ENOX1: variants seen among roughly 807,000 people sequenced by gnomAD.
The protein encoded by ENOX1 is ecto-NOX disulfide-thiol exchanger 1.
In ENOX1, 42 loss-of-function variants were observed where a neutral mutation model predicts 82.5. The ratio of observed to expected loss-of-function variants is 0.51; its 90% CI spans 0.40 to 0.66. The LOEUF (loss-of-function observed/expected upper bound fraction) is 0.66, where lower values mean the gene tolerates loss of function less well. Ranked by LOEUF, ENOX1 falls within the 30% of genes least tolerant of loss-of-function variation. The pLI is 0.00. For synonymous variants in ENOX1, 271 were observed against 282.2 expected (o/e 0.96, Z 0.40); for missense variants, 608 against 811.6 (o/e 0.75, Z 3.05).
intron 2 of ENOX1, among the ~76,000 whole-genome samples, chr13:43,572,188 C>T (rs1033838836): frequency 7.9e-5 from 12 of 152,106 alleles, no homozygotes; most frequent in African/African-American, 2.7e-4. Flanking sequence ...CCCAATTCAC[C>T]AGCCCTTCCA....
At chr13:43,376,090 C>G (rs1310890577) in intron 5 of ENOX1, among the ~76,000 whole-genome samples, 3 of 152,212 alleles carry the variant, frequency 2.0e-5, no homozygotes, top group Non-Finnish European at 2.9e-5. Flanking sequence ...GAAATATTAG[C>G]TTGGACATTC....
intron 3 of ENOX1, among the ~76,000 whole-genome samples, chr13:43,446,094 G>A (rs149570401): frequency 6.6e-6 from 1 of 151,878 alleles, no homozygotes; most frequent in African/African-American, 2.4e-5. Flanking sequence ...GGGAACAAAT[G>A]TAAATACTGA....
At chr13:43,315,900 T>C (rs2047451569) in intron 11 of ENOX1, among the ~76,000 whole-genome samples, 1 of 152,106 alleles carries the variant, frequency 6.6e-6, no homozygotes, top group South Asian at 2.1e-4. Flanking sequence ...TAATAAACTG[T>C]AATGTAGATA....
Position 43,298,376 on chromosome 13 carries a change from A to G in ENOX1, c.1416T>C (p.Phe472=). The change falls in exon 12 of 17, where the codon TTT becomes TTC. Residue 472 remains phenylalanine (F), a synonymous_variant. Coordinates refer to ENST00000690772, the MANE Select transcript of ENOX1 (RefSeq NM_001347969.2). The part of the protein sequence containing the change: ...ENLTKDQQLQ[F]LQQTMQGMQQ... ...GCATGCCTTGCATGGTTTGCTGCAG[A>G]AACTGCAGTTGCTGGTCCTTGGTGA... 3.1e-6 allele frequency: 5 copies of G among 1,611,638 alleles called. No individual in the cohort carries two copies. The highest frequency in any genetic ancestry group is 4.2e-6 in the Non-Finnish European group (5 of 1,179,514).
chr13:43,365,026 T>G (rs2050760179), intron 5 of ENOX1, among the ~76,000 whole-genome samples: 1 of 152,164 alleles, frequency 6.6e-6, no homozygotes, highest in African/African-American at 2.4e-5. Flanking sequence ...TTCAAGCTAG[T>G]GAATTTCAAC....
intron 13 of ENOX1, among the ~76,000 whole-genome samples, chr13:43,265,979 A>T (rs572689989): frequency 2.3e-4 from 35 of 152,338 alleles, no homozygotes; most frequent in African/African-American, 7.7e-4. Context: ...GTAGAGAAAG[A>T]GTTTGGATGA....
chr13:43,263,386 C>T (rs1186909790), intron 14 of ENOX1, among the ~76,000 whole-genome samples: 1 of 152,206 alleles, frequency 6.6e-6, no homozygotes, highest in African/African-American at 2.4e-5. Context: ...CATCTCTCAA[C>T]AGTCATTGCT....
At chr13:43,598,066 T>C (rs1327066142) in intron 2 of ENOX1, among the ~76,000 whole-genome samples, 2 of 152,106 alleles carry the variant, frequency 1.3e-5, no homozygotes, top group Non-Finnish European at 2.9e-5. Flanking sequence ...ATGTTGAAAT[T>C]GTTCACTGGC....
chr13:43,617,065 C>T (rs1238762025), intron 2 of ENOX1, among the ~76,000 whole-genome samples: 1 of 152,104 alleles, frequency 6.6e-6, no homozygotes, highest in African/African-American at 2.4e-5. Flanking sequence ...TATGTATGAA[C>T]ATATACATAA....
intron 1 of ENOX1, among the ~76,000 whole-genome samples, chr13:43,695,182 C>T (rs1474210793): frequency 6.6e-6 from 1 of 151,992 alleles, no homozygotes; most frequent in African/African-American, 2.4e-5. Context: ...CAAAGACACA[C>T]CTGATGTGAA....
chr13:43,297,873 T>C (rs2153506750), intron 12 of ENOX1, among the ~76,000 whole-genome samples: 1 of 152,350 alleles, frequency 6.6e-6, no homozygotes, highest in Middle Eastern at 3.4e-3. Context: ...ACACGTAATG[T>C]GCTCAAAGAA....
intron 2 of ENOX1, among the ~76,000 whole-genome samples, chr13:43,633,210 CAAAT>C (rs1262223603): frequency 6.6e-6 from 1 of 152,030 alleles, no homozygotes; most frequent in Non-Finnish European, 1.5e-5. Context: ...TATTTGCCAT[CAAAT>C]AAGTAAAACA....
intron 14 of ENOX1, among the ~76,000 whole-genome samples, chr13:43,259,436 T>C (rs2043930723): frequency 6.6e-6 from 1 of 152,192 alleles, no homozygotes; most frequent in Non-Finnish European, 1.5e-5. Context: ...AAGCTAGTGC[T>C]TGCTGGGCTT....
chr13:43,339,315 T>C (rs773435385), intron 9 of ENOX1, among the ~76,000 whole-genome samples: 1 of 152,182 alleles, frequency 6.6e-6, no homozygotes, highest in Non-Finnish European at 1.5e-5. Context: ...TATGGATCCT[T>C]TCCAAATGAA....
At chr13:43,442,560 G>A in intron 3 of ENOX1, among the ~76,000 whole-genome samples, 1 of 152,204 alleles carries the variant, frequency 6.6e-6, no homozygotes. Context: ...CCTAACCCAT[G>A]CCTTGCTCTG....
chr13:43,274,667 T>C (rs541408980), intron 12 of ENOX1, among the ~76,000 whole-genome samples: 7 of 152,340 alleles, frequency 4.6e-5, no homozygotes, highest in Non-Finnish European at 7.3e-5. Flanking sequence ...GAGTGTGGCA[T>C]TAAACAGATG....
intron 14 of ENOX1, among the ~76,000 whole-genome samples, chr13:43,239,039 A>C (rs764029958): frequency 3.9e-5 from 6 of 152,188 alleles, no homozygotes; most frequent in Non-Finnish European, 7.3e-5. Flanking sequence ...TCAAAGAAAT[A>C]CTGCTGCATC....
intron 1 of ENOX1, among the ~76,000 whole-genome samples, chr13:43,706,712 GAAA>G (rs67435957): frequency 2.7e-5 from 4 of 147,992 alleles, no homozygotes; most frequent in South Asian, 2.1e-4. Context: ...GATCAAGAAA[GAAA>G]AAAAAAAAAC....
chr13:43,296,188 C>T (rs2046276916), intron 12 of ENOX1, among the ~76,000 whole-genome samples: 1 of 152,184 alleles, frequency 6.6e-6, no homozygotes, highest in South Asian at 2.1e-4. Context: ...GAAGTCCTAG[C>T]CCCTACTACC....
Sources: gnomAD v4.1 joint callset for allele counts (sites outside exome capture counted in the v4.1 genomes callset) on GRCh38, gnomAD v4.1.1 for gene constraint, MANE v1.5 for transcripts, NCBI Gene and HGNC (gene_info 2026-07-23, HGNC 2026-07-21) for gene names.